Variants in FSHR observed in about 807,000 individuals in gnomAD.
FSHR encodes follicle-stimulating hormone receptor.
FSHR carries 46 observed loss-of-function variants against 52.1 expected under a neutral mutation model. That is an observed-to-expected ratio of 0.88 (90% CI 0.70 to 1.13). The LOEUF is 1.13. Among genes scored for constraint, FSHR ranks in the 50% most tolerant of loss-of-function variants. FSHR has a pLI of 0.00. For missense variants in FSHR, 964 were observed against 834.6 expected, an observed-to-expected ratio of 1.16 and a Z score of -1.91; for synonymous variants, 399 against 309.6, an observed-to-expected ratio of 1.29 and a Z score of -3.03.
chr2:49,104,956 A>C (rs993902104), intron 1 of FSHR, among the ~76,000 whole-genome samples: 2 of 152,146 alleles, frequency 1.3e-5, no homozygotes, highest in African/African-American at 2.4e-5. Context: ...GGGCTTGGCA[A>C]TGGAGACTTG....
intron 2 of FSHR, among the ~76,000 whole-genome samples, chr2:49,031,963 T>C (rs1037821309): frequency 6.6e-6 from 1 of 152,192 alleles, no homozygotes; most frequent in African/African-American, 2.4e-5. Context: ...GGGTCAAGGA[T>C]TTTGTTATAT....
chr2:49,050,843 A>G (rs1283131234), intron 2 of FSHR, among the ~76,000 whole-genome samples: 2 of 152,130 alleles, frequency 1.3e-5, no homozygotes, highest in African/African-American at 4.8e-5. Context: ...AAGATATAAA[A>G]TATCTTCACC....
chr2:49,030,949 T>A (rs1222851520), intron 2 of FSHR, among the ~76,000 whole-genome samples: 1 of 152,170 alleles, frequency 6.6e-6, no homozygotes, highest in East Asian at 1.9e-4. Context: ...AGACTACCAA[T>A]GCCTAGAGAA....
intron 1 of FSHR, among the ~76,000 whole-genome samples, chr2:49,151,503 A>C (rs1457621750): frequency 1.3e-5 from 2 of 152,118 alleles, no homozygotes; most frequent in Non-Finnish European, 2.9e-5. Context: ...GGAAATTAGC[A>C]ATCTTTCGTG....
intron 1 of FSHR, among the ~76,000 whole-genome samples, chr2:49,113,846 C>T (rs988907759): frequency 2.0e-4 from 31 of 152,134 alleles, no homozygotes; most frequent in Admixed American, 1.9e-3. Flanking sequence ...CTCTCCCCCT[C>T]TATTGATTAT....
chr2:49,034,270 T>A (rs981596183), intron 2 of FSHR, among the ~76,000 whole-genome samples: 5 of 152,210 alleles, frequency 3.3e-5, no homozygotes, highest in African/African-American at 9.6e-5. Flanking sequence ...CTAGAGCTCA[T>A]GAAAGCTGGT....
At chr2:48,964,876 C>A (rs1457415913) in intron 9 of FSHR, among the ~76,000 whole-genome samples, 2 of 152,014 alleles carry the variant, frequency 1.3e-5, no homozygotes, top group African/African-American at 4.8e-5. Context: ...CATAAATATT[C>A]TACCCCAGAG....
intron 2 of FSHR, among the ~76,000 whole-genome samples, chr2:49,026,370 A>C (rs1407092518): frequency 6.6e-6 from 1 of 152,236 alleles, no homozygotes; most frequent in Non-Finnish European, 1.5e-5. Flanking sequence ...ACGTTTATTA[A>C]GCACTTACGT....
chr2:49,050,907 G>A (rs1668832869), intron 2 of FSHR, among the ~76,000 whole-genome samples: 1 of 151,958 alleles, frequency 6.6e-6, no homozygotes, highest in Non-Finnish European at 1.5e-5. Flanking sequence ...ACACCACCCT[G>A]GGAACCAGGC....
intron 2 of FSHR, among the ~76,000 whole-genome samples, chr2:49,042,451 CA>C (rs1337223839): frequency 6.6e-6 from 1 of 152,176 alleles, no homozygotes; most frequent in African/African-American, 2.4e-5. Flanking sequence ...ATAAGTCTCA[CA>C]AGGGGCAGGG....
intron 2 of FSHR, among the ~76,000 whole-genome samples, chr2:49,026,633 G>T (rs997581669): frequency 6.6e-6 from 1 of 152,130 alleles, no homozygotes; most frequent in South Asian, 2.1e-4. Flanking sequence ...TGCAAACATC[G>T]GCAGGTTAGG....
intron 2 of FSHR, among the ~76,000 whole-genome samples, chr2:49,021,913 A>T (rs1667738854): frequency 7.6e-6 from 1 of 130,806 alleles, no homozygotes; most frequent in Non-Finnish European, 1.6e-5. Flanking sequence ...AGAGAGAGAG[A>T]GAGAGAGAAT....
At chr2:49,013,038 C>T (rs1667330128) in intron 4 of FSHR, among the ~76,000 whole-genome samples, 1 of 151,740 alleles carries the variant, frequency 6.6e-6, no homozygotes, top group Non-Finnish European at 1.5e-5. Flanking sequence ...AGATAAGACA[C>T]CAGAAACTCA....
intron 1 of FSHR, among the ~76,000 whole-genome samples, chr2:49,150,879 T>C (rs566422182): frequency 7.2e-4 from 110 of 152,092 alleles, no homozygotes; most frequent in African/African-American, 2.4e-3. Context: ...CCCATGTTTT[T>C]CTATGGCCAG....
chr2:49,083,411 C>G (rs1031268962), intron 1 of FSHR, among the ~76,000 whole-genome samples: 1 of 151,522 alleles, frequency 6.6e-6, no homozygotes, highest in Admixed American at 6.6e-5. Flanking sequence ...TAAAGACCAT[C>G]GAGACTAGGA....
intron 2 of FSHR, among the ~76,000 whole-genome samples, chr2:49,022,986 G>T (rs1255809905): frequency 1.3e-5 from 2 of 152,136 alleles, no homozygotes; most frequent in African/African-American, 4.8e-5. Flanking sequence ...AATAGCCCAG[G>T]TGCTGGTCAT....
intron 1 of FSHR, among the ~76,000 whole-genome samples, chr2:49,103,278 T>C (rs1671100564): frequency 6.6e-6 from 1 of 152,158 alleles, no homozygotes; most frequent in Non-Finnish European, 1.5e-5. Flanking sequence ...TGGCTCCTCT[T>C]ATAATTTGAA....
chr2:49,116,696 C>A (rs911891038), intron 1 of FSHR, among the ~76,000 whole-genome samples: 1 of 152,046 alleles, frequency 6.6e-6, no homozygotes, highest in African/African-American at 2.4e-5. Flanking sequence ...TACCATTATT[C>A]TTTAAATTTT....
intron 1 of FSHR, among the ~76,000 whole-genome samples, chr2:49,079,245 C>G (rs1436815957): frequency 1.3e-5 from 2 of 151,794 alleles, no homozygotes; most frequent in Non-Finnish European, 2.9e-5. Flanking sequence ...CCTAAACAAA[C>G]AGAAATAAGC....
Sources: allele counts gnomAD v4.1 joint callset (sites outside exome capture counted in the v4.1 genomes callset), GRCh38; gene constraint gnomAD v4.1.1; transcripts MANE v1.5; gene names NCBI Gene and HGNC (gene_info 2026-07-23, HGNC 2026-07-21).